The following PUDP variants were observed in gnomAD, a reference collection of about 807,000 sequenced individuals.
PUDP encodes pseudouridine 5'-phosphatase, also known as pseudouridine-5'-phosphatase.
A neutral mutation model predicts 9.4 loss-of-function variants in PUDP; 8 were observed. The observed-to-expected ratio is 0.85, with a 90% confidence interval of 0.50 to 1.53. The LOEUF is 1.53. Ranked by LOEUF, PUDP falls within the 40% of genes most tolerant of loss-of-function variation. The pLI is 0.00. For missense variants in PUDP, 188 were observed against 189.7 expected, an observed-to-expected ratio of 0.99 and a Z score of 0.05; for synonymous variants, 99 against 80.7, an observed-to-expected ratio of 1.23 and a Z score of -1.22.
intron 2 of PUDP, among the ~76,000 whole-genome samples, chrX:7,090,152 G>A (rs1418012961): frequency 2.7e-5 from 3 of 110,867 alleles, no homozygotes; most frequent in Non-Finnish European, 5.7e-5. Flanking sequence ...CAAATTATTA[G>A]AGCGTTATTA....
At chrX:7,023,368 A>C (rs1487522099) in intron 1 of PUDP, among the ~76,000 whole-genome samples, 1 of 111,706 alleles carries the variant, frequency 9.0e-6, no homozygotes, top group African/African-American at 3.3e-5. Flanking sequence ...AATATAAAAA[A>C]CTCATCAACA....
At chrX:7,134,503 C>T (rs1415819965) in intron 1 of PUDP, among the ~76,000 whole-genome samples, 1 of 112,249 alleles carries the variant, frequency 8.9e-6, no homozygotes, top group Non-Finnish European at 1.9e-5. Context: ...TTCTAAATCT[C>T]AAATCTGATT....
At chrX:6,912,990 A>C (rs1217450324) in intron 3 of PUDP, among the ~76,000 whole-genome samples, 2 of 112,255 alleles carry the variant, frequency 1.8e-5, no homozygotes, top group Admixed American at 1.9e-4. Flanking sequence ...TATCATTTCT[A>C]TATCATAATT....
At chrX:6,950,406 C>CTT (rs768745445) in intron 3 of PUDP, among the ~76,000 whole-genome samples, 208 of 68,608 alleles carry the variant, frequency 3.0e-3, no homozygotes, top group Middle Eastern at 0.012. Context: ...TTAGTCATTT[C>CTT]TTTTTTTTTT....
chrX:6,747,358 C>T (rs964986651), intron 3 of PUDP, among the ~76,000 whole-genome samples: 2 of 111,726 alleles, frequency 1.8e-5, no homozygotes, highest in African/African-American at 6.5e-5. Context: ...TCATCTTGAC[C>T]TTTTCAGGTA....
intron 3 of PUDP, among the ~76,000 whole-genome samples, chrX:6,849,217 C>A (rs921525992): frequency 8.9e-6 from 1 of 112,058 alleles, no homozygotes; most frequent in East Asian, 2.8e-4. Context: ...CTACATCAGG[C>A]GCCTAGCTCA....
At chrX:6,727,243 A>T (rs1295254593) in intron 3 of PUDP, among the ~76,000 whole-genome samples, 3 of 111,398 alleles carry the variant, frequency 2.7e-5, no homozygotes, top group Non-Finnish European at 3.8e-5. Flanking sequence ...GGAGAGAAAG[A>T]GAGATTGCTA....
chrX:7,128,414 T>G (rs1393707384), intron 1 of PUDP, among the ~76,000 whole-genome samples: 1 of 111,608 alleles, frequency 9.0e-6, no homozygotes, highest in Non-Finnish European at 1.9e-5. Context: ...GAATCTAACT[T>G]CAATAGTTTA....
chrX:6,839,662 G>A (rs182626899), intron 3 of PUDP, among the ~76,000 whole-genome samples: 1 of 111,415 alleles, frequency 9.0e-6, no homozygotes. Context: ...TTAAAACAAC[G>A]AGAGACCACC....
chrX:6,819,759 G>A (rs541126920), intron 3 of PUDP, among the ~76,000 whole-genome samples: 4 of 111,937 alleles, frequency 3.6e-5, no homozygotes, highest in African/African-American at 9.7e-5. Flanking sequence ...TTGAGCTGCA[G>A]ATGAGGTGTA....
intron 2 of PUDP, among the ~76,000 whole-genome samples, chrX:7,088,229 G>A (rs1486972236): frequency 8.9e-6 from 1 of 111,842 alleles, no homozygotes; most frequent in Admixed American, 9.5e-5. Context: ...TGAAGTAAAC[G>A]TAGGACTACA....
intron 1 of PUDP, chrX:6,989,560 A>T (rs1157722853): frequency 7.2e-6 from 1 of 139,771 alleles, no homozygotes; most frequent in Non-Finnish European, 1.5e-5. Context: ...TGCTAAGAAA[A>T]TGAAGAAGTC....
At chrX:6,865,934 A>ATTTT (rs761596955) in intron 3 of PUDP, among the ~76,000 whole-genome samples, 176 of 40,748 alleles carry the variant, frequency 4.3e-3, no homozygotes, top group Middle Eastern at 0.027. Flanking sequence ...AGTTAAAAAA[A>ATTTT]ATTTAAGAGA....
At chrX:6,756,687 C>T (rs1042261431) in intron 3 of PUDP, among the ~76,000 whole-genome samples, 4 of 112,213 alleles carry the variant, frequency 3.6e-5, no homozygotes, top group Admixed American at 1.9e-4. Context: ...GATGAAGATA[C>T]GTAACAGATG....
chrX:6,967,909 C>T (rs1186590206), intron 3 of PUDP, among the ~76,000 whole-genome samples: 1 of 112,350 alleles, frequency 8.9e-6, no homozygotes, highest in African/African-American at 3.2e-5. Context: ...GGTCCCACCT[C>T]ACACCCAGAA....
intron 2 of PUDP, chrX:7,085,257 A>C (rs1931228523): frequency 8.9e-6 from 1 of 112,780 alleles, no homozygotes; most frequent in Admixed American, 9.4e-5. Context: ...GGTTCTTCAC[A>C]AATGTCACAC....
rs769032389 is a variant in PUDP at position 7,032,744 on chromosome X, T to A, written c.204+44476A>T. On this transcript the variant is annotated intron_variant and NMD_transcript_variant, in intron 1 of 3. Coordinates refer to the PUDP transcript ENST00000655425. ...GGTGATATGAGGAAATTTTCTGGAG[T>A]GATGGAAATATTCTATATCTTTATT... is the stretch of plus-strand genomic sequence containing the variant. Among the ~76,000 whole-genome samples, 9 of 111,470 alleles carry A rather than the reference T, an allele frequency of 8.1e-5. No homozygotes were observed. The South Asian group carries it at 2.6e-3, about 32-fold the overall frequency.
intron 1 of PUDP, among the ~76,000 whole-genome samples, chrX:7,107,285 T>C (rs1290953125): frequency 2.7e-5 from 3 of 112,047 alleles, no homozygotes; most frequent in Non-Finnish European, 5.6e-5. Flanking sequence ...TGTCCCACAA[T>C]GACATAAACA....
chrX:6,820,665 G>C (rs1244514865), intron 3 of PUDP, among the ~76,000 whole-genome samples: 1 of 111,948 alleles, frequency 8.9e-6, no homozygotes, highest in Non-Finnish European at 1.9e-5. Context: ...GATCTCCTTT[G>C]ACTCCAGGTC....
Sources: gnomAD v4.1 joint callset for allele counts (sites outside exome capture counted in the v4.1 genomes callset) on GRCh38, gnomAD v4.1.1 for gene constraint, MANE v1.5 for transcripts, NCBI Gene and HGNC (gene_info 2026-07-23, HGNC 2026-07-21) for gene names.